Variants in TNNI3K observed in about 807,000 individuals in gnomAD.
TNNI3K encodes TNNI3 interacting kinase.
A neutral mutation model predicts 114.5 loss-of-function variants in TNNI3K; 140 were observed. The observed-to-expected ratio is 1.22, with a 90% CI of 1.07 to 1.41. TNNI3K has a LOEUF of 1.41. Among genes scored for constraint, TNNI3K ranks in the 40% most tolerant of loss-of-function variants. The pLI, the probability that TNNI3K is intolerant of heterozygous loss-of-function variation, is 0.00. For missense variants in TNNI3K, 1,125 were observed against 1,007.6 expected, an observed-to-expected ratio of 1.12 and a Z score of -1.58; for synonymous variants, 347 against 347.5, an observed-to-expected ratio of 1.00 and a Z score of 0.02.
intron 17 of TNNI3K, among the ~76,000 whole-genome samples, chr1:74,377,639 G>T (rs879329698): frequency 1.3e-5 from 2 of 151,970 alleles, no homozygotes; most frequent in African/African-American, 2.4e-5. Context: ...TTAGTCTAGG[G>T]TTTATAGCCT....
intron 17 of TNNI3K, among the ~76,000 whole-genome samples, chr1:74,424,034 G>A (rs138827378): frequency 4.6e-5 from 7 of 151,596 alleles, no homozygotes; most frequent in South Asian, 4.2e-4. Flanking sequence ...GCACACTATC[G>A]AATTGAGTAA....
chr1:74,418,795 A>C (rs1457732708), intron 17 of TNNI3K, among the ~76,000 whole-genome samples: 3 of 151,660 alleles, frequency 2.0e-5, no homozygotes, highest in African/African-American at 7.3e-5. Context: ...TATTTAAGTC[A>C]GTTTCTTTCT....
intron 10 of TNNI3K, 114 bp downstream of exon 10, chr1:74,353,474 AT>A: frequency 9.0e-7 from 1 of 1,111,634 alleles, no homozygotes; most frequent in Non-Finnish European, 1.3e-6. Flanking sequence ...GGGAAAGGGT[AT>A]TTTATCAACT....
intron 5 of TNNI3K, among the ~76,000 whole-genome samples, chr1:74,316,855 AATTT>A (rs1213807363): frequency 9.6e-5 from 1 of 10,406 alleles, no homozygotes; most frequent in Admixed American, 6.5e-4. Flanking sequence ...ACGCCCAGCT[AATTT>A]TTTTTTTTTT....
intron 23 of TNNI3K, among the ~76,000 whole-genome samples, chr1:74,511,568 C>A (rs1374976964): frequency 6.6e-6 from 1 of 152,110 alleles, no homozygotes; most frequent in African/African-American, 2.4e-5. Flanking sequence ...ATGCATTTAT[C>A]TATCATTTAT....
chr1:74,464,785 T>C, intron 21 of TNNI3K: 1 of 1,527,116 alleles, frequency 6.5e-7, no homozygotes, highest in Non-Finnish European at 8.8e-7. Flanking sequence ...ACATGTTTAT[T>C]TGTTTAGAAT....
intron 5 of TNNI3K, among the ~76,000 whole-genome samples, chr1:74,325,335 G>A (rs561688909): frequency 1.1e-4 from 17 of 152,066 alleles, no homozygotes; most frequent in African/African-American, 4.1e-4. Flanking sequence ...TTCATCCATC[G>A]CTCAGCCAGG....
chr1:74,399,790 A>T (rs564030343), intron 17 of TNNI3K, among the ~76,000 whole-genome samples: 1 of 152,246 alleles, frequency 6.6e-6, no homozygotes, highest in Non-Finnish European at 1.5e-5. Context: ...GAGAGGGTTC[A>T]CAATTATTGG....
chr1:74,347,548 T>C (rs968270991), intron 9 of TNNI3K, among the ~76,000 whole-genome samples: 20 of 152,216 alleles, frequency 1.3e-4, no homozygotes, highest in African/African-American at 4.3e-4. Flanking sequence ...ATGGTATTGC[T>C]AATTCTAGAT....
At chr1:74,373,414 T>A (rs368326500) in intron 17 of TNNI3K, 12 of 151,938 alleles carry the variant, frequency 7.9e-5, no homozygotes, top group East Asian at 1.9e-4. Context: ...GAGAGAAAGA[T>A]GCACATCAGA....
chr1:74,431,813 A>T (rs1486167291), intron 17 of TNNI3K, among the ~76,000 whole-genome samples: 1 of 152,140 alleles, frequency 6.6e-6, no homozygotes, highest in Non-Finnish European at 1.5e-5. Context: ...TCTGAACTTA[A>T]GCCTCACTTG....
At chr1:74,431,943 G>T (rs1278048342) in intron 17 of TNNI3K, among the ~76,000 whole-genome samples, 1 of 152,074 alleles carries the variant, frequency 6.6e-6, no homozygotes, top group East Asian at 1.9e-4. Flanking sequence ...AGGACTAGTT[G>T]ACTTTTATCT....
chr1:74,444,813 A>G (rs1570627937), intron 20 of TNNI3K, among the ~76,000 whole-genome samples: 1 of 151,730 alleles, frequency 6.6e-6, no homozygotes, highest in Non-Finnish European at 1.5e-5. Context: ...ACATCATGGT[A>G]CTGGGAAAAA....
chr1:74,397,646 T>C (rs1057204132), intron 17 of TNNI3K, among the ~76,000 whole-genome samples: 7 of 152,166 alleles, frequency 4.6e-5, no homozygotes, highest in Non-Finnish European at 1.0e-4. Flanking sequence ...ACCATAACTG[T>C]TTAGATATCA....
At chr1:74,392,024 G>GGT in intron 17 of TNNI3K, among the ~76,000 whole-genome samples, 1 of 139,678 alleles carries the variant, frequency 7.2e-6, no homozygotes, top group South Asian at 2.3e-4. Flanking sequence ...GGAGTGCAGT[G>GGT]GCAGGATCTT....
At chr1:74,325,076 T>C (rs1194144698) in intron 5 of TNNI3K, among the ~76,000 whole-genome samples, 3 of 152,068 alleles carry the variant, frequency 2.0e-5, no homozygotes, top group Non-Finnish European at 4.4e-5. Flanking sequence ...TACAAGTAAG[T>C]GTGGGGGAAT....
chr1:74,297,469 A>G (rs1448221156), intron 5 of TNNI3K, among the ~76,000 whole-genome samples: 2 of 151,224 alleles, frequency 1.3e-5, no homozygotes, highest in Admixed American at 6.6e-5. Flanking sequence ...AACCAGGATG[A>G]GGGCTCTCAC....
At chr1:74,279,546 G>T (rs1309865763) in intron 5 of TNNI3K, among the ~76,000 whole-genome samples, 2 of 152,010 alleles carry the variant, frequency 1.3e-5, no homozygotes, top group African/African-American at 4.8e-5. Flanking sequence ...AAGAGTATTA[G>T]AAGAAATTAG....
At position 74,324,682 on chromosome 1, in the gene TNNI3K, C is replaced by G. The variant is rs141857157; in HGVS notation, c.445-6768C>G. Among the ~76,000 whole-genome samples, 605 of 152,246 alleles carry G rather than the reference C, an allele frequency of 4.0e-3. 7 individuals carry two copies. The highest frequency in any genetic ancestry group is 0.014 in the African/African-American group (580 of 41,556). ...ACAGTTCAGGACACATACACTCAAC[C>G]AGCACGTGGGGAGCAAGAGAGAGAA... On this transcript the variant is annotated intron_variant, in intron 5 of 24. Coordinates refer to ENST00000326637, the MANE Select transcript of TNNI3K (RefSeq NM_015978.3).
Sources: gnomAD v4.1 joint callset for allele counts (sites outside exome capture counted in the v4.1 genomes callset) on GRCh38, gnomAD v4.1.1 for gene constraint, MANE v1.5 for transcripts, NCBI Gene and HGNC (gene_info 2026-07-23, HGNC 2026-07-21) for gene names.